Variants in MOB3B observed in about 807,000 individuals in gnomAD.
MOB3B encodes MOB kinase activator 3B.
Under a neutral mutation model 18.7 loss-of-function variants are expected in MOB3B, and 7 were observed. The ratio of observed to expected loss-of-function variants is 0.37; its 90% CI spans 0.21 to 0.70. The LOEUF (loss-of-function observed/expected upper bound fraction) is 0.70. MOB3B is among the 30% of genes least tolerant of loss of function. The pLI, the probability that MOB3B is intolerant of heterozygous loss-of-function variation, is 0.52. For missense variants in MOB3B, 253 were observed against 281.3 expected (o/e 0.90, Z 0.72); for synonymous variants, 111 against 99.9 (o/e 1.11, Z -0.66).
At chr9:27,462,645 A>G (rs947682017) in intron 1 of MOB3B, among the ~76,000 whole-genome samples, 5 of 152,198 alleles carry the variant, frequency 3.3e-5, no homozygotes, top group African/African-American at 4.8e-5. Context: ...TTTTCTTTGA[A>G]ACAGCGTATG....
At chr9:27,331,500 C>G (rs529315865) in intron 3 of MOB3B, among the ~76,000 whole-genome samples, 2 of 152,262 alleles carry the variant, frequency 1.3e-5, no homozygotes, top group East Asian at 3.9e-4. Flanking sequence ...GGGCTCTGGA[C>G]ATGTCTGTTG....
chr9:27,423,004 T>A (rs1246768282), intron 2 of MOB3B, among the ~76,000 whole-genome samples: 1 of 152,204 alleles, frequency 6.6e-6, no homozygotes, highest in Non-Finnish European at 1.5e-5. Flanking sequence ...ATAATGAGCA[T>A]GAAATCTGAA....
chr9:27,473,081 C>G (rs978683801), intron 1 of MOB3B, among the ~76,000 whole-genome samples: 1 of 152,180 alleles, frequency 6.6e-6, no homozygotes, highest in South Asian at 2.1e-4. Context: ...TTTGCTCTCC[C>G]TTAATTTTCC....
At chr9:27,457,495 T>C (rs1296439524) in intron 1 of MOB3B, among the ~76,000 whole-genome samples, 2 of 152,216 alleles carry the variant, frequency 1.3e-5, no homozygotes, top group African/African-American at 4.8e-5. Context: ...CTTAAGTTAT[T>C]GAGGCCAATA....
At chr9:27,386,461 C>A (rs1821651301) in intron 2 of MOB3B, among the ~76,000 whole-genome samples, 1 of 152,188 alleles carries the variant, frequency 6.6e-6, no homozygotes, top group Non-Finnish European at 1.5e-5. Flanking sequence ...ATTAAAGGAC[C>A]TGCTTTGTTG....
intron 2 of MOB3B, among the ~76,000 whole-genome samples, chr9:27,449,744 G>A (rs1822751607): frequency 2.0e-5 from 3 of 152,156 alleles, no homozygotes. Flanking sequence ...GGGAGGCCAA[G>A]GCAGGCAGAT....
intron 1 of MOB3B, among the ~76,000 whole-genome samples, chr9:27,503,668 G>T (rs975585594): frequency 6.6e-6 from 1 of 152,236 alleles, no homozygotes; most frequent in Non-Finnish European, 1.5e-5. Context: ...GAATAATCAG[G>T]GTAGTGGACC....
At chr9:27,457,282 G>A (rs61412580) in intron 1 of MOB3B, among the ~76,000 whole-genome samples, 223 of 152,264 alleles carry the variant, frequency 1.5e-3, no homozygotes, top group African/African-American at 5.2e-3. Context: ...ATGTTCCGTG[G>A]CCTTGAAATA....
intron 2 of MOB3B, among the ~76,000 whole-genome samples, chr9:27,396,135 C>T (rs1821794918): frequency 6.6e-6 from 1 of 152,170 alleles, no homozygotes. Context: ...TTTCCTGATA[C>T]ACTTTCCCTA....
chr9:27,346,204 C>G (rs1368348566), intron 3 of MOB3B, among the ~76,000 whole-genome samples: 1 of 152,188 alleles, frequency 6.6e-6, no homozygotes, highest in African/African-American at 2.4e-5. Flanking sequence ...TTATTGGATA[C>G]CAAACCCTTA....
intron 1 of MOB3B, among the ~76,000 whole-genome samples, chr9:27,463,563 T>C (rs1371512638): frequency 6.6e-6 from 1 of 152,160 alleles, no homozygotes; most frequent in Non-Finnish European, 1.5e-5. Context: ...TCTGGAAACT[T>C]CGCGGTCTAG....
intron 2 of MOB3B, among the ~76,000 whole-genome samples, chr9:27,383,510 G>C (rs556293481): frequency 6.6e-6 from 1 of 152,346 alleles, no homozygotes; most frequent in African/African-American, 2.4e-5. Context: ...TTACATGAGA[G>C]AGGGCCAGAT....
intron 1 of MOB3B, among the ~76,000 whole-genome samples, chr9:27,517,926 CGGGGAGGGATGTTG>C (rs1820263879): frequency 6.6e-6 from 1 of 152,074 alleles, no homozygotes; most frequent in South Asian, 2.1e-4. Context: ...AGGCTACCTG[CGGGGAGGGATGTTG>C]GCAGGAAGAA....
At chr9:27,527,733 G>A (rs1035901177) in intron 1 of MOB3B, among the ~76,000 whole-genome samples, 1 of 152,262 alleles carries the variant, frequency 6.6e-6, no homozygotes, top group Non-Finnish European at 1.5e-5. Flanking sequence ...AGGCTATGGG[G>A]TAGCATAGGT....
At chr9:27,373,165 C>A (rs12339376) in intron 2 of MOB3B, among the ~76,000 whole-genome samples, 2,775 of 152,202 alleles carry the variant, frequency 0.018, 76 homozygotes, top group African/African-American at 0.061. Flanking sequence ...ATTTGCAGAG[C>A]CCCTTGTTTA....
chr9:27,528,206 C>T (rs1374076424), intron 1 of MOB3B, among the ~76,000 whole-genome samples: 2 of 152,240 alleles, frequency 1.3e-5, no homozygotes, highest in Non-Finnish European at 2.9e-5. Context: ...TTTTTGGCGA[C>T]TAGCCTGCCC....
At chr9:27,340,341 A>T (rs1161775554) in intron 3 of MOB3B, among the ~76,000 whole-genome samples, 2 of 152,192 alleles carry the variant, frequency 1.3e-5, no homozygotes, top group African/African-American at 4.8e-5. Context: ...TCTTTTTCCA[A>T]ACCCTGCAAA....
At chr9:27,473,935 T>A (rs1819513145) in intron 1 of MOB3B, among the ~76,000 whole-genome samples, 1 of 152,182 alleles carries the variant, frequency 6.6e-6, no homozygotes. Context: ...TCTACCCTAA[T>A]GAATGAGATT....
intron 2 of MOB3B, among the ~76,000 whole-genome samples, chr9:27,420,564 T>C (rs1394859333): frequency 7.7e-5 from 8 of 104,302 alleles, no homozygotes; most frequent in African/African-American, 2.9e-4. Flanking sequence ...TATATATATA[T>C]ATATATATAT....
Sources: allele counts gnomAD v4.1 joint callset (sites outside exome capture counted in the v4.1 genomes callset), GRCh38; gene constraint gnomAD v4.1.1; transcripts MANE v1.5; gene names NCBI Gene and HGNC (gene_info 2026-07-23, HGNC 2026-07-21).